TDRD9: variants seen among roughly 807,000 people sequenced by gnomAD.
The protein encoded by TDRD9 is ATP-dependent RNA helicase TDRD9.
In TDRD9, 124 loss-of-function variants were observed where a neutral mutation model predicts 172.6. The ratio of observed to expected loss-of-function variants is 0.72; its 90% CI spans 0.62 to 0.83. The LOEUF (loss-of-function observed/expected upper bound fraction) is 0.83, where lower values mean the gene tolerates loss of function less well. Ranked by LOEUF, TDRD9 falls within the 40% of genes least tolerant of loss-of-function variation. The probability of loss-of-function intolerance (pLI) is 0.00; values close to 1 mark genes in which losing one functional copy is unlikely to be tolerated. For missense variants in TDRD9, 1,479 were observed against 1,714.1 expected (o/e 0.86, Z 2.42); for synonymous variants, 619 against 617.1 (o/e 1.00, Z -0.05).
At chr14:103,939,646 C>T (rs2031046659) in intron 1 of TDRD9, among the ~76,000 whole-genome samples, 1 of 129,580 alleles carries the variant, frequency 7.7e-6, no homozygotes, top group African/African-American at 2.9e-5. Flanking sequence ...CACAAGTTGG[C>T]CAAGAACGCA....
intron 6 of TDRD9, among the ~76,000 whole-genome samples, chr14:103,971,226 G>A (rs747934595): frequency 3.0e-4 from 45 of 151,974 alleles, no homozygotes; most frequent in Non-Finnish European, 5.7e-4. Flanking sequence ...CTCGTGATCC[G>A]CCCGCCTTGG....
In TDRD9 at chr14:103,994,359, A is replaced by T; in HGVS notation, c.1208A>T (p.Glu403Val). The change falls in exon 10 of 36, where the codon GAA becomes GTA. Residue 403 changes from glutamate to valine, a missense_variant. Glu to Val is a moderately radical substitution (Grantham distance 121, BLOSUM62 -2). Around this residue, in one of 3 missense-constraint regions of TDRD9, gnomAD observed 1,413 missense variants for 1,649.1 expected, o/e 0.86. Coordinates refer to ENST00000409874, the MANE Select transcript of TDRD9 (RefSeq NM_153046.3). ...PGLGEINYMH[E>V]LLTSLVHKRL... is the part of the protein sequence containing the mutation. Reference sequence around the variant, plus strand: ...CTGGGTGAAATAAATTATATGCATGAACTTCTCACAAGCCTGGTTCATAAA... The same window carrying T: ...CTGGGTGAAATAAATTATATGCATGTACTTCTCACAAGCCTGGTTCATAAA... The T allele has an allele frequency of 6.2e-7, 1 of 1,613,726 alleles. No homozygotes were observed. The highest frequency in any genetic ancestry group is 1.1e-5 in the South Asian group (1 of 91,072).
At chr14:103,934,800 C>T (rs572638170) in intron 1 of TDRD9, among the ~76,000 whole-genome samples, 2 of 152,172 alleles carry the variant, frequency 1.3e-5, no homozygotes, top group Non-Finnish European at 2.9e-5. Flanking sequence ...AGGACAGGAG[C>T]AGGGTGGTCA....
Position 104,049,698 on chromosome 14 carries a change from T to G in TDRD9, c.4047+18T>G. 1 of 1,566,578 alleles carries G rather than the reference T, an allele frequency of 6.4e-7. No individual in the cohort carries two copies. The highest frequency in any genetic ancestry group is 2.4e-5 in the East Asian group (1 of 42,016). ...GGAATCAGGTGAGTGGGACGCAGGC[T>G]GCTACATGAGCAGAGGCCACGTGGA... On this transcript the variant is annotated intron_variant, in intron 35 of 35. Transcript: ENST00000409874.
At chr14:104,033,933 C>A in intron 30 of TDRD9, 27 bp from the exon 31 acceptor site, 2 of 1,438,732 alleles carry the variant, frequency 1.4e-6, no homozygotes, top group Middle Eastern at 1.7e-4. Flanking sequence ...ATCAGTCACC[C>A]CATCTCCTGG....
intron 34 of TDRD9, among the ~76,000 whole-genome samples, chr14:104,048,304 T>A (rs2035839926): frequency 6.6e-6 from 1 of 152,208 alleles, no homozygotes. Context: ...AGTGATGTGA[T>A]CATAGCTCAC....
chr14:103,975,233 C>T (rs1321352223), intron 6 of TDRD9, among the ~76,000 whole-genome samples, 156 bp from the exon 7 acceptor site: 6 of 152,142 alleles, frequency 3.9e-5, no homozygotes, highest in Admixed American at 2.6e-4. Flanking sequence ...GTTTAAACTA[C>T]AATAATTACA....
intron 32 of TDRD9, among the ~76,000 whole-genome samples, chr14:104,038,035 T>C (rs1011631728): frequency 8.5e-5 from 13 of 152,256 alleles, no homozygotes; most frequent in African/African-American, 2.4e-4. Context: ...CACGCTCTTA[T>C]TGGTGTAGTG....
In TDRD9 at chr14:103,997,740, A is replaced by G. The variant is rs2034105975; in HGVS notation, c.1379-884A>G. On this transcript the variant is annotated intron_variant, in intron 12 of 35. Coordinates refer to ENST00000409874, the MANE Select transcript of TDRD9 (RefSeq NM_153046.3). This position sits in a 1 kb window ranked among gnomAD's most constrained non-coding sequence, Gnocchi z 5.1. The stretch of plus-strand genomic sequence containing the variant: ...AGAAAGCCAGTGAACACAGAGGCCT[A>G]GACACCCAGTGGGAAAAGGGTCTTG... Among the ~76,000 whole-genome samples, 1 of 152,204 alleles carries G rather than the reference A, an allele frequency of 6.6e-6. No individual in the cohort carries two copies. The highest frequency in any genetic ancestry group is 1.5e-5 in the Non-Finnish European group (1 of 68,046).
intron 34 of TDRD9, among the ~76,000 whole-genome samples, chr14:104,048,293 CAGTGATG>C (rs2035839481): frequency 6.6e-6 from 1 of 152,154 alleles, no homozygotes. Flanking sequence ...AGCTGGAGTG[CAGTGATG>C]TGATCATAGC....
At chr14:104,016,564 C>T (rs1312994712) in intron 22 of TDRD9, among the ~76,000 whole-genome samples, 1 of 152,124 alleles carries the variant, frequency 6.6e-6, no homozygotes, top group African/African-American at 2.4e-5. Flanking sequence ...GAAGGCTCTG[C>T]GAGATCTGAG....
chr14:104,017,413 C>T (rs545327937), intron 22 of TDRD9, among the ~76,000 whole-genome samples: 27 of 152,312 alleles, frequency 1.8e-4, no homozygotes, highest in African/African-American at 6.0e-4. Context: ...CATGATGTGG[C>T]AGTTGGGTCT....
At chr14:103,981,516 G>A (rs541688630) in intron 7 of TDRD9, among the ~76,000 whole-genome samples, 11 of 152,332 alleles carry the variant, frequency 7.2e-5, no homozygotes, top group African/African-American at 2.2e-4. Flanking sequence ...TTTGGTACCT[G>A]ATAGGTGCTC....
Position 103,983,056 on chromosome 14 carries a change from C to CTTTTT in TDRD9, c.1012-3140_1012-3136dup, listed in dbSNP as rs397853010. Among the ~76,000 whole-genome samples the CTTTTT allele has an allele frequency of 2.9e-4, 25 of 87,642 alleles. 1 individual carries two copies. Among genetic ancestry groups the CTTTTT allele is most frequent in the African/African-American group, 1.0e-3 (22 of 21,578 alleles). 57.5% of individuals were successfully genotyped at this position (87,642 alleles called of 152,430 possible). A position where few individuals can be genotyped will look rare whatever the true frequency, so the allele number is the denominator to read the frequency against. On this transcript the variant is annotated intron_variant, in intron 7 of 35. Coordinates refer to ENST00000409874, the MANE Select transcript of TDRD9 (RefSeq NM_153046.3). ...CCCCACCTGGACTCGCTGTGGGTCA[C>CTTTTT]TTTTTTTTTTTTTTTTTTTTTTTTT...
intron 19 of TDRD9, 128 bp downstream of exon 19, chr14:104,007,332 G>T: frequency 2.5e-6 from 2 of 804,102 alleles, no homozygotes; most frequent in Non-Finnish European, 4.0e-6. Context: ...GTCACTGTCA[G>T]TGCTCGCACG....
intron 1 of TDRD9, among the ~76,000 whole-genome samples, chr14:103,951,012 A>C (rs78463760): frequency 0.023 from 3,550 of 152,272 alleles, 78 homozygotes; most frequent in East Asian, 0.071. Context: ...GTGTACTACT[A>C]ATTTTTCCCT....
At chr14:103,977,350 G>A (rs925275401) in intron 7 of TDRD9, among the ~76,000 whole-genome samples, 6 of 151,728 alleles carry the variant, frequency 4.0e-5, no homozygotes, top group Non-Finnish European at 7.4e-5. Context: ...AAAATTAGCC[G>A]GGCGTGGCGG....
At chr14:103,969,263 G>C (rs2032915394) in intron 5 of TDRD9, among the ~76,000 whole-genome samples, 1 of 151,430 alleles carries the variant, frequency 6.6e-6, no homozygotes, top group South Asian at 2.1e-4. Context: ...CTGCTGATGT[G>C]TGTATGTTTA....
rs2032775066 is a variant in TDRD9 at position 103,966,887 on chromosome 14, CAGAGTATTGTGAACCCTGTCTTT to C, written c.765+57_765+79del. ...TATTTATCTCTCTTAAAAAAACTCT[CAGAGTATTGTGAACCCTGTCTTT>C]GTGCCTGTCTCAGCTTTCTTTATTT... On this transcript the variant is annotated intron_variant, in intron 5 of 35. Coordinates refer to ENST00000409874, the MANE Select transcript of TDRD9 (RefSeq NM_153046.3). 6.7e-6 allele frequency: 10 copies of C among 1,486,444 alleles called. No individual in the cohort carries two copies. The South Asian group carries it at 9.6e-5, about 14-fold the overall frequency. The allele number at this position is 1,486,444 out of a possible 1,614,324, so 92.1% of individuals were successfully genotyped here. A position where few individuals can be genotyped will look rare whatever the true frequency, so the allele number is the denominator to read the frequency against.
Sources: gnomAD v4.1 joint callset for allele counts (sites outside exome capture counted in the v4.1 genomes callset) on GRCh38, gnomAD v4.1.1 for gene constraint, gnomAD v4.1.1 regional missense constraint, Gnocchi (gnomAD v3.1) non-coding constraint, MANE v1.5 for transcripts, NCBI Gene and HGNC (gene_info 2026-07-23, HGNC 2026-07-21) for gene names.